GALNT13: variants seen among roughly 807,000 people sequenced by gnomAD.
The protein encoded by GALNT13 is UDP-GalNAc:polypeptide N-acetylgalactosaminyltransferase 13.
In GALNT13, 28 loss-of-function variants were observed where a neutral mutation model predicts 64.2. The ratio of observed to expected loss-of-function variants is 0.44; its 90% CI spans 0.32 to 0.60. GALNT13 has a LOEUF of 0.60. Ranked by LOEUF, GALNT13 falls within the 20% of genes least tolerant of loss-of-function variation. The pLI is 0.05. For missense variants in GALNT13, 577 were observed against 669.8 expected (o/e 0.86, Z 1.53); for synonymous variants, 214 against 224.6 (o/e 0.95, Z 0.42).
At chr2:154,176,972 T>C (rs1685687577) in intron 4 of GALNT13, among the ~76,000 whole-genome samples, 1 of 152,182 alleles carries the variant, frequency 6.6e-6, no homozygotes, top group Non-Finnish European at 1.5e-5. Flanking sequence ...TTATTAGATA[T>C]GCAGATTCAT....
chr2:154,043,412 TTTTATATA>T (rs1229954866), intron 3 of GALNT13, among the ~76,000 whole-genome samples: 1 of 81,006 alleles, frequency 1.2e-5, no homozygotes, highest in Non-Finnish European at 2.3e-5. Context: ...CTATAAGGAC[TTTTATATA>T]TATATATATA....
At chr2:153,092,326 C>A in the GALNT13 span, among the ~76,000 whole-genome samples, 1 of 151,944 alleles carries the variant, frequency 6.6e-6, no homozygotes, top group Admixed American at 6.6e-5. Context: ...TATTCTGGGT[C>A]TTTTGTGGTT....
intron 1 of GALNT13, among the ~76,000 whole-genome samples, chr2:153,874,485 G>A (rs764569238): frequency 2.6e-5 from 4 of 152,030 alleles, no homozygotes; most frequent in Non-Finnish European, 5.9e-5. Flanking sequence ...GGAATTATAG[G>A]GTACTGCTGG....
At chr2:154,408,471 C>G (rs1699650922) in intron 10 of GALNT13, among the ~76,000 whole-genome samples, 1 of 151,974 alleles carries the variant, frequency 6.6e-6, no homozygotes, top group Non-Finnish European at 1.5e-5. Context: ...ATGTTTTACT[C>G]ACAGATATAA....
At chr2:153,111,146 A>G in the GALNT13 span, among the ~76,000 whole-genome samples, 1 of 152,128 alleles carries the variant, frequency 6.6e-6, no homozygotes, top group African/African-American at 2.4e-5. Flanking sequence ...TCTCATTGTT[A>G]AAAGTGTGCA....
chr2:154,245,733 C>A, intron 6 of GALNT13, 79 bp from the exon 7 acceptor site: 2 of 871,608 alleles, frequency 2.3e-6, no homozygotes, highest in Admixed American at 2.3e-5. Context: ...TTCCTCATAT[C>A]AGCTATAATC....
chr2:154,087,048 C>G (rs1701566878), intron 3 of GALNT13, among the ~76,000 whole-genome samples: 1 of 152,012 alleles, frequency 6.6e-6, no homozygotes, highest in Admixed American at 6.6e-5. Context: ...AAATTGCTAT[C>G]TTCTGAAAGG....
At chr2:154,165,202 A>G (rs532920671) in intron 4 of GALNT13, among the ~76,000 whole-genome samples, 1 of 152,278 alleles carries the variant, frequency 6.6e-6, no homozygotes, top group African/African-American at 2.4e-5. Context: ...GAATAATATA[A>G]TCTAACAGGG....
At chr2:153,726,631 C>T in the GALNT13 span, among the ~76,000 whole-genome samples, 33 of 152,020 alleles carry the variant, frequency 2.2e-4, no homozygotes, top group Non-Finnish European at 4.1e-4. Context: ...GGCTCATGTA[C>T]CATTTTTTCC....
chr2:153,472,533 C>T, the GALNT13 span, among the ~76,000 whole-genome samples: 1 of 152,086 alleles, frequency 6.6e-6, no homozygotes, highest in African/African-American at 2.4e-5. Context: ...GCTTGAGAAA[C>T]ACTATATAAC....
the GALNT13 span, among the ~76,000 whole-genome samples, chr2:153,200,134 T>A: frequency 1.3e-5 from 2 of 152,208 alleles, no homozygotes; most frequent in Non-Finnish European, 2.9e-5. Flanking sequence ...ATTCCTCGGC[T>A]TCTGAACCTC....
chr2:154,068,230 G>A (rs1482637331), intron 3 of GALNT13, among the ~76,000 whole-genome samples: 1 of 151,948 alleles, frequency 6.6e-6, no homozygotes, highest in Non-Finnish European at 1.5e-5. Context: ...TGGGGAGGAT[G>A]AGGACAAAAG....
the GALNT13 span, among the ~76,000 whole-genome samples, chr2:153,262,953 C>T: frequency 1.3e-5 from 2 of 151,914 alleles, no homozygotes; most frequent in Admixed American, 6.6e-5. Context: ...CTGGCCAGGG[C>T]AATCAGACAA....
chr2:153,468,389 C>A, the GALNT13 span, among the ~76,000 whole-genome samples: 2 of 152,092 alleles, frequency 1.3e-5, no homozygotes, highest in South Asian at 2.1e-4. Context: ...AGTACATTGA[C>A]CAAATGCAAA....
chr2:153,223,711 C>A, the GALNT13 span, among the ~76,000 whole-genome samples: 5 of 152,142 alleles, frequency 3.3e-5, no homozygotes, highest in South Asian at 1.0e-3. Context: ...GCCTGCCCAG[C>A]ACTTTGGGAG....
At chr2:153,891,804 A>G (rs987859618) in intron 1 of GALNT13, among the ~76,000 whole-genome samples, 2 of 151,824 alleles carry the variant, frequency 1.3e-5, no homozygotes, top group African/African-American at 2.4e-5. Flanking sequence ...CATATCATTC[A>G]AGGTCCTTCT....
chr2:154,358,421 A>G (rs1463652968), intron 9 of GALNT13, among the ~76,000 whole-genome samples: 1 of 152,092 alleles, frequency 6.6e-6, no homozygotes, highest in Non-Finnish European at 1.5e-5. Context: ...ATCATTTATC[A>G]GTCTAAACCA....
intron 4 of GALNT13, among the ~76,000 whole-genome samples, chr2:154,148,502 C>T (rs1388417730): frequency 6.6e-6 from 1 of 152,150 alleles, no homozygotes; most frequent in Non-Finnish European, 1.5e-5. Context: ...AATCACCACA[C>T]TGACTTCCAC....
chr2:153,525,266 G>C, the GALNT13 span, among the ~76,000 whole-genome samples: 1 of 152,186 alleles, frequency 6.6e-6, no homozygotes, highest in African/African-American at 2.4e-5. Flanking sequence ...ACTACATTGA[G>C]GGCTCAGGCA....
Sources: gnomAD v4.1 joint callset for allele counts (sites outside exome capture counted in the v4.1 genomes callset) on GRCh38, gnomAD v4.1.1 for gene constraint, MANE v1.5 for transcripts, NCBI Gene and HGNC (gene_info 2026-07-23, HGNC 2026-07-21) for gene names.